TAF3: variants seen among roughly 807,000 people sequenced by gnomAD.
TAF3 encodes TATA-box binding protein associated factor 3.
Under a neutral mutation model 80.6 loss-of-function variants are expected in TAF3, and 7 were observed. The ratio of observed to expected loss-of-function variants is 0.09; its 90% CI spans 0.05 to 0.16. The LOEUF is 0.16. Ranked by LOEUF, TAF3 falls within the 10% of genes least tolerant of loss-of-function variation. The pLI, the probability that TAF3 is intolerant of heterozygous loss-of-function variation, is 1.00. For missense variants in TAF3, 921 were observed against 1,140.2 expected (o/e 0.81, Z 2.77); for synonymous variants, 444 against 446.1 (o/e 1.00, Z 0.06).
intron 2 of TAF3, among the ~76,000 whole-genome samples, chr10:7,860,810 T>C (rs1837137542): frequency 6.6e-6 from 1 of 151,702 alleles, no homozygotes; most frequent in Non-Finnish European, 1.5e-5. Context: ...CTTTCTTTTT[T>C]TTTTTTTGAA....
chr10:8,013,626 C>T (rs1212199571), intron 5 of TAF3, 105 bp from the exon 6 acceptor site: 20 of 795,170 alleles, frequency 2.5e-5, no homozygotes, highest in South Asian at 2.5e-4. Context: ...GTTTAATATG[C>T]CTGTTTATTC....
At chr10:7,878,934 GC>G (rs895959338) in intron 2 of TAF3, among the ~76,000 whole-genome samples, 14 of 151,956 alleles carry the variant, frequency 9.2e-5, no homozygotes, top group Admixed American at 8.5e-4. Context: ...CCCTATGTTG[GC>G]CAGGCTGGTC....
At chr10:7,898,330 T>C (rs1837525726) in intron 2 of TAF3, among the ~76,000 whole-genome samples, 1 of 152,086 alleles carries the variant, frequency 6.6e-6, no homozygotes. Flanking sequence ...GTGGATCACC[T>C]GAGGTCAGGA....
At chr10:7,942,917 GCTGT>G (rs1381815636) in intron 2 of TAF3, among the ~76,000 whole-genome samples, 6 of 152,196 alleles carry the variant, frequency 3.9e-5, no homozygotes, top group Admixed American at 2.0e-4. Context: ...TCAGCTGTAG[GCTGT>G]CTGTGCAGGT....
intron 4 of TAF3, among the ~76,000 whole-genome samples, chr10:8,002,650 G>T (rs1383604726): frequency 2.6e-5 from 4 of 152,150 alleles, no homozygotes; most frequent in African/African-American, 4.8e-5. Flanking sequence ...AGAAAAGAAT[G>T]AATATTCCGC....
chr10:7,879,796 T>A (rs1837343774), intron 2 of TAF3, among the ~76,000 whole-genome samples: 1 of 152,250 alleles, frequency 6.6e-6, no homozygotes, highest in Non-Finnish European at 1.5e-5. Flanking sequence ...TGTAGACTTG[T>A]ATCATTAAAA....
chr10:7,968,774 A>G (rs780963416), intron 3 of TAF3, among the ~76,000 whole-genome samples: 1 of 152,226 alleles, frequency 6.6e-6, no homozygotes, highest in South Asian at 2.1e-4. Context: ...GTCAGATGCT[A>G]TAATTTATGG....
chr10:7,910,879 A>G (rs543562910), intron 2 of TAF3, among the ~76,000 whole-genome samples: 21 of 152,348 alleles, frequency 1.4e-4, no homozygotes, highest in African/African-American at 4.8e-4. Flanking sequence ...GAAATAATAC[A>G]TGCTTTCTTA....
chr10:8,000,764 G>GCCTCAAAT (rs1831936385), intron 4 of TAF3, among the ~76,000 whole-genome samples: 1 of 152,206 alleles, frequency 6.6e-6, no homozygotes, highest in Non-Finnish European at 1.5e-5. Flanking sequence ...GGGCAGCAGA[G>GCCTCAAAT]TGAGACCCTG....
At chr10:8,011,585 A>G (rs1315232983) in intron 5 of TAF3, among the ~76,000 whole-genome samples, 1 of 152,156 alleles carries the variant, frequency 6.6e-6, no homozygotes, top group Non-Finnish European at 1.5e-5. Context: ...CTATTATTAA[A>G]TTTCCTTAAA....
intron 4 of TAF3, among the ~76,000 whole-genome samples, chr10:7,996,649 T>C (rs1360113830): frequency 2.0e-5 from 3 of 152,014 alleles, no homozygotes; most frequent in Non-Finnish European, 4.4e-5. Context: ...AGGGGGGTTT[T>C]TTTTGTGTTA....
chr10:7,891,440 A>T (rs1222999477), intron 2 of TAF3, among the ~76,000 whole-genome samples: 1 of 152,242 alleles, frequency 6.6e-6, no homozygotes, highest in East Asian at 1.9e-4. Context: ...TTAAATGACT[A>T]TTTGTGTGCT....
At chr10:7,902,532 C>T (rs1837568527) in intron 2 of TAF3, among the ~76,000 whole-genome samples, 2 of 152,090 alleles carry the variant, frequency 1.3e-5, no homozygotes, top group Admixed American at 6.6e-5. Flanking sequence ...AGGGGAAAAA[C>T]GTTTCTCAGG....
At chr10:7,917,257 CAG>C (rs1837719910) in intron 2 of TAF3, among the ~76,000 whole-genome samples, 1 of 152,186 alleles carries the variant, frequency 6.6e-6, no homozygotes, top group African/African-American at 2.4e-5. Context: ...GATGGAGTGT[CAG>C]AGAGGAGTTG....
Position 7,863,608 on chromosome 10 carries a change from TAAA to T in TAF3, c.409+39065_409+39067del, listed in dbSNP as rs1230925353. Among the ~76,000 whole-genome samples, 152 of 20,348 alleles carry T rather than the reference TAAA, an allele frequency of 7.5e-3. 5 individuals carry two copies. The highest frequency in any genetic ancestry group is 0.051 in the East Asian group (21 of 414). The allele number at this position is 20,348 out of a possible 152,430, so 13.3% of individuals were successfully genotyped here. ...CTGATGACCAGAGCAAAACTCTGTC[TAAA>T]AAAAAAAAAAAAAAAATATATATAT... On this transcript the variant is annotated intron_variant, in intron 2 of 6. Transcript: ENST00000344293.
chr10:7,851,917 CT>C (rs1837030712), intron 2 of TAF3, among the ~76,000 whole-genome samples: 1 of 151,742 alleles, frequency 6.6e-6, no homozygotes, highest in Non-Finnish European at 1.5e-5. Context: ...GTAGCTGAGA[CT>C]ACAGGCGTGA....
intron 2 of TAF3, among the ~76,000 whole-genome samples, chr10:7,836,406 C>G (rs1244499): frequency 0.18 from 27,211 of 151,860 alleles, 2,521 homozygotes; most frequent in South Asian, 0.26. Context: ...TCCCGAGTAC[C>G]TGGGATTAGA....
At chr10:7,872,021 G>T (rs912329110) in intron 2 of TAF3, among the ~76,000 whole-genome samples, 1 of 152,096 alleles carries the variant, frequency 6.6e-6, no homozygotes, top group African/African-American at 2.4e-5. Context: ...CACATGTCAA[G>T]TTAAATATTG....
intron 4 of TAF3, among the ~76,000 whole-genome samples, chr10:7,985,361 C>T (rs1831766512): frequency 6.6e-6 from 1 of 152,196 alleles, no homozygotes; most frequent in Non-Finnish European, 1.5e-5. Flanking sequence ...GAACTTCGTT[C>T]CCTCTCTTAG....
Sources: gnomAD v4.1 joint callset for allele counts (sites outside exome capture counted in the v4.1 genomes callset) on GRCh38, gnomAD v4.1.1 for gene constraint, MANE v1.5 for transcripts, NCBI Gene and HGNC (gene_info 2026-07-23, HGNC 2026-07-21) for gene names.